Variants in KCNMA1 observed in about 807,000 individuals in gnomAD.
The protein encoded by KCNMA1 is Calcium-activated potassium channel subunit alpha-1.
Under a neutral mutation model 140.0 loss-of-function variants are expected in KCNMA1, and 29 were observed. That is an observed-to-expected ratio of 0.21 (90% confidence interval 0.15 to 0.28). The LOEUF is 0.28. KCNMA1 is among the 10% of genes least tolerant of loss of function. The pLI is 1.00. For synonymous variants in KCNMA1, 612 were observed against 611.9 expected, an observed-to-expected ratio of 1.00 and a Z score of 0.00; for missense variants, 880 against 1,602.2, an observed-to-expected ratio of 0.55 and a Z score of 7.70.
At chr10:77,160,208 C>T (rs190872305) in intron 5 of KCNMA1, among the ~76,000 whole-genome samples, 1 of 152,288 alleles carries the variant, frequency 6.6e-6, no homozygotes, top group African/African-American at 2.4e-5. Context: ...ACTGAGGATC[C>T]CTCAGCTGCC....
intron 19 of KCNMA1, among the ~76,000 whole-genome samples, chr10:76,986,708 T>C (rs1049451144): frequency 1.3e-5 from 2 of 152,236 alleles, no homozygotes; most frequent in Non-Finnish European, 2.9e-5. Flanking sequence ...CACCCTGCCT[T>C]AAATATCCAA....
At chr10:76,953,031 T>C (rs1485014071) in intron 21 of KCNMA1, among the ~76,000 whole-genome samples, 2 of 151,920 alleles carry the variant, frequency 1.3e-5, no homozygotes, top group Middle Eastern at 3.2e-3. Context: ...GGGCAGAGAG[T>C]AGAATGGATT....
chr10:77,413,042 C>T (rs1163471211), intron 1 of KCNMA1, among the ~76,000 whole-genome samples: 1 of 151,786 alleles, frequency 6.6e-6, no homozygotes, highest in East Asian at 1.9e-4. Flanking sequence ...ATTTTTAGTA[C>T]AGACAGGGTT....
At chr10:77,204,241 A>C (rs1030125224) in intron 3 of KCNMA1, among the ~76,000 whole-genome samples, 2 of 152,154 alleles carry the variant, frequency 1.3e-5, no homozygotes, top group Non-Finnish European at 2.9e-5. Context: ...GGGGAGTTTC[A>C]GGTTATCTCA....
At chr10:77,166,737 G>A (rs1245147439) in intron 5 of KCNMA1, among the ~76,000 whole-genome samples, 1 of 152,162 alleles carries the variant, frequency 6.6e-6, no homozygotes, top group Non-Finnish European at 1.5e-5. Flanking sequence ...ATGTAGGAAA[G>A]ATGAAGGGGA....
intron 23 of KCNMA1, among the ~76,000 whole-genome samples, chr10:76,941,098 A>AG (rs2062080373): frequency 1.1e-5 from 1 of 88,966 alleles, no homozygotes; most frequent in African/African-American, 4.6e-5. Flanking sequence ...AAAGAAAGAA[A>AG]GAAGGGAGGG....
intron 2 of KCNMA1, among the ~76,000 whole-genome samples, chr10:77,349,883 T>C (rs1221823617): frequency 2.0e-5 from 3 of 151,654 alleles, no homozygotes; most frequent in Non-Finnish European, 4.4e-5. Context: ...GTAGATCTAT[T>C]TATATGCCCA....
Position 77,084,728 on chromosome 10 carries a change from C to T in KCNMA1, c.1441-9G>A. The T allele has an allele frequency of 1.2e-6, 2 of 1,605,630 alleles. No individual in the cohort carries two copies. Among genetic ancestry groups the T allele is most frequent in the Non-Finnish European group, 1.7e-6 (2 of 1,172,480 alleles). The stretch of plus-strand genomic sequence containing the variant: ...GCATCTGCTGACTCTATCTAAGACA[C>T]CGAAAGGAAAATTCACAGAACACAA... On this transcript the variant is annotated splice_polypyrimidine_tract_variant and intron_variant, in intron 11 of 27. Transcript: ENST00000286628.
intron 2 of KCNMA1, among the ~76,000 whole-genome samples, chr10:77,366,377 C>A (rs2094362732): frequency 6.6e-6 from 1 of 152,146 alleles, no homozygotes. Context: ...CCTTGTTGAC[C>A]AGGCTGGTCT....
chr10:77,516,795 G>C (rs34717545), intron 1 of KCNMA1, among the ~76,000 whole-genome samples: 19 of 152,164 alleles, frequency 1.2e-4, no homozygotes, highest in Non-Finnish European at 2.4e-4. Context: ...CTAAAACGGG[G>C]GTGCCTGTGT....
intron 2 of KCNMA1, among the ~76,000 whole-genome samples, chr10:77,295,669 T>C (rs1414015783): frequency 4.7e-5 from 7 of 149,662 alleles, no homozygotes; most frequent in Non-Finnish European, 1.0e-4. Flanking sequence ...TAGTCCCAGC[T>C]ACTCGGGAGG....
intron 1 of KCNMA1, among the ~76,000 whole-genome samples, chr10:77,462,421 GCACT>G (rs2097894921): frequency 6.6e-6 from 1 of 152,072 alleles, no homozygotes; most frequent in African/African-American, 2.4e-5. Context: ...ACAAATGTAT[GCACT>G]CAAATAGACA....
At chr10:77,045,902 A>T (rs1463261777) in intron 14 of KCNMA1, among the ~76,000 whole-genome samples, 1 of 152,244 alleles carries the variant, frequency 6.6e-6, no homozygotes, top group African/African-American at 2.4e-5. Context: ...AAGTCATGTA[A>T]ATAATTCCAA....
At chr10:77,302,369 G>GTCC (rs2076739871) in intron 2 of KCNMA1, among the ~76,000 whole-genome samples, 1 of 152,152 alleles carries the variant, frequency 6.6e-6, no homozygotes, top group Admixed American at 6.5e-5. Context: ...CCTGTGGCCA[G>GTCC]TCCTGATGAT....
At chr10:77,296,923 TG>T (rs2075318237) in intron 2 of KCNMA1, among the ~76,000 whole-genome samples, 1 of 110,024 alleles carries the variant, frequency 9.1e-6, no homozygotes, top group Non-Finnish European at 2.1e-5. Context: ...GGGGGGGCGG[TG>T]GGGGAATGTA....
chr10:77,245,509 C>T (rs1371923705), intron 3 of KCNMA1, among the ~76,000 whole-genome samples: 1 of 152,160 alleles, frequency 6.6e-6, no homozygotes, highest in African/African-American at 2.4e-5. Flanking sequence ...AAGCCAGATA[C>T]TTTATGACAT....
At chr10:77,408,516 G>A (rs1233130550) in intron 1 of KCNMA1, among the ~76,000 whole-genome samples, 3 of 151,480 alleles carry the variant, frequency 2.0e-5, no homozygotes, top group Non-Finnish European at 2.9e-5. Flanking sequence ...ATGTGTGCAT[G>A]TGTGTGTGCA....
intron 10 of KCNMA1, among the ~76,000 whole-genome samples, chr10:77,088,940 T>C (rs899262272): frequency 6.6e-6 from 1 of 152,212 alleles, no homozygotes; most frequent in Non-Finnish European, 1.5e-5. Context: ...ACAGGGTTGA[T>C]GTTGTCTCTA....
intron 2 of KCNMA1, among the ~76,000 whole-genome samples, chr10:77,311,836 C>A (rs2154344916): frequency 6.6e-6 from 1 of 152,308 alleles, no homozygotes; most frequent in South Asian, 2.1e-4. Flanking sequence ...GTCATGCTGC[C>A]TCCCTCACAA....
Sources: allele counts gnomAD v4.1 joint callset (sites outside exome capture counted in the v4.1 genomes callset), GRCh38; gene constraint gnomAD v4.1.1; transcripts MANE v1.5; gene names NCBI Gene and HGNC (gene_info 2026-07-23, HGNC 2026-07-21).